The following SSUH2 variants were observed in gnomAD, a reference collection of about 807,000 sequenced individuals.
The protein encoded by SSUH2 is protein SSUH2 homolog.
SSUH2 carries 47 observed loss-of-function variants against 55.3 expected under a neutral mutation model. The ratio of observed to expected loss-of-function variants is 0.85; its 90% CI spans 0.67 to 1.08. SSUH2 has a LOEUF of 1.08. SSUH2 is among the 50% of genes least tolerant of loss of function. The probability of loss-of-function intolerance (pLI) is 0.00; values close to 1 mark genes in which losing one functional copy is unlikely to be tolerated. For synonymous variants in SSUH2, 212 were observed against 191.5 expected, an observed-to-expected ratio of 1.11 and a Z score of -0.89; for missense variants, 535 against 490.7, an observed-to-expected ratio of 1.09 and a Z score of -0.85.
upstream of SSUH2, among the ~76,000 whole-genome samples, chr3:8,648,080 T>C (rs148893679): frequency 7.1e-3 from 1,086 of 152,304 alleles, 9 homozygotes; most frequent in Middle Eastern, 0.014. Flanking sequence ...TGAGATCTTC[T>C]TGATGCCCCC....
chr3:8,629,631 C>CATTG, intron 7 of SSUH2, 33 bp downstream of exon 7: 2 of 642,482 alleles, frequency 3.1e-6, no homozygotes, highest in Non-Finnish European at 4.7e-6. Context: ...ACCACACCCT[C>CATTG]ACTGACTCAC....
intron 3 of SSUH2, among the ~76,000 whole-genome samples, chr3:8,675,539 A>G (rs927796434): frequency 2.0e-5 from 3 of 152,216 alleles, no homozygotes; most frequent in Admixed American, 1.3e-4. Context: ...ATCTGCCGAC[A>G]GCAGGTACCT....
intron 2 of SSUH2, 46 bp downstream of exon 2, chr3:8,635,713 G>T: frequency 6.8e-7 from 1 of 1,475,490 alleles, no homozygotes; most frequent in Non-Finnish European, 9.1e-7. Context: ...CAACCAGCGT[G>T]AGCCCTAGGT....
At chr3:8,642,392 C>A (rs551768134) in intron 1 of SSUH2, among the ~76,000 whole-genome samples, 2 of 152,252 alleles carry the variant, frequency 1.3e-5, no homozygotes, top group Non-Finnish European at 2.9e-5. Flanking sequence ...AGACTTGCAG[C>A]CTGGAATCAA....
rs1455031974 is a variant in SSUH2 at position 8,635,344 on chromosome 3, C to T, written c.165G>A (p.Gly55=). Residue 55 remains glycine (G), a synonymous_variant, in exon 3 of 12, where the codon GGG becomes GGA. Transcript: ENST00000544814. ...GCCAGGACCTTTGCTCCTGGGGCCT[C>T]CCTGGGGCCTCCAAAGGTGGGAAGA... The part of the protein sequence containing the change: ...QIFFPPLEAP[G]RPQEQRSWPS... 1 of 1,535,972 alleles carries T rather than the reference C, an allele frequency of 6.5e-7. No individual in the cohort carries two copies. Among genetic ancestry groups the T allele is most frequent in the Admixed American group, 2.0e-5 (1 of 50,992 alleles).
intron 3 of SSUH2, among the ~76,000 whole-genome samples, chr3:8,675,929 C>A (rs922625534): frequency 2.0e-5 from 3 of 152,128 alleles, no homozygotes; most frequent in Admixed American, 2.0e-4. Flanking sequence ...CTAGCTGAGG[C>A]CAGTGGCCTA....
At chr3:8,670,054 G>A (rs1439916320) in intron 5 of SSUH2, among the ~76,000 whole-genome samples, 3 of 152,102 alleles carry the variant, frequency 2.0e-5, no homozygotes, top group Non-Finnish European at 4.4e-5. Flanking sequence ...TGAGTCCACA[G>A]TGCTTGCACC....
chr3:8,647,920 G>C (rs564034172), upstream of SSUH2, among the ~76,000 whole-genome samples: 109 of 152,330 alleles, frequency 7.2e-4, no homozygotes, highest in African/African-American at 2.4e-3. Context: ...GGAGGAGAAT[G>C]GGCTTGACAC....
At chr3:8,679,548 C>T (rs1430654866) in intron 2 of SSUH2, among the ~76,000 whole-genome samples, 1 of 144,820 alleles carries the variant, frequency 6.9e-6, no homozygotes, top group Non-Finnish European at 1.5e-5. Context: ...CTCAGCGAGG[C>T]AGGAACTGAG....
chr3:8,623,634 G>A lies in SSUH2; in HGVS notation c.896C>T (p.Pro299Leu). 1.3e-6 allele frequency: 2 copies of A among 1,539,796 alleles called. No homozygotes were observed. The highest frequency in any genetic ancestry group is 1.8e-6 in the Non-Finnish European group (2 of 1,137,820). ...NSVVYPIVDFPLRDISLASQR... is the reference protein window; with the variant it reads ...NSVVYPIVDFLLRDISLASQR... Reference sequence around the variant, plus strand: ...GGAGGCAAGAGAGATGTCTCGCAGAGGGAAGTCCACGATGGGGTACACCTG... The same window carrying A: ...GGAGGCAAGAGAGATGTCTCGCAGAAGGAAGTCCACGATGGGGTACACCTG... The change falls in exon 11 of 12, where the codon CCT becomes CTT. Residue 299 changes from proline to leucine, a missense_variant. Coordinates refer to ENST00000544814, the MANE Select transcript of SSUH2 (RefSeq NM_001256748.3).
At chr3:8,678,091 CTTCT>C (rs1270825103) in intron 2 of SSUH2, among the ~76,000 whole-genome samples, 4 of 152,074 alleles carry the variant, frequency 2.6e-5, no homozygotes, top group African/African-American at 9.7e-5. Context: ...GCGTGTCCAC[CTTCT>C]GTCATATTGA....
intron 3 of SSUH2, chr3:8,634,280 G>T: frequency 2.4e-6 from 2 of 836,566 alleles, no homozygotes; most frequent in Non-Finnish European, 3.4e-6. Context: ...CGCCCATGGA[G>T]ACTCACCCTG....
At chr3:8,634,974 A>T (rs1699668398) in intron 3 of SSUH2, among the ~76,000 whole-genome samples, 2 of 152,224 alleles carry the variant, frequency 1.3e-5, no homozygotes, top group Admixed American at 6.5e-5. Context: ...AAGCTGCCAG[A>T]GACAATACAC....
chr3:8,631,160 AC>A (rs1308483290), intron 5 of SSUH2, among the ~76,000 whole-genome samples: 2 of 152,114 alleles, frequency 1.3e-5, no homozygotes, highest in African/African-American at 4.8e-5. Context: ...TAGCTGTTTG[AC>A]TTTAGAGAAG....
chr3:8,661,393 C>T (rs1297284958), intron 6 of SSUH2, among the ~76,000 whole-genome samples: 1 of 152,158 alleles, frequency 6.6e-6, no homozygotes, highest in Non-Finnish European at 1.5e-5. Flanking sequence ...CCCTCTACAC[C>T]CATTAGTCTA....
intron 1 of SSUH2, among the ~76,000 whole-genome samples, chr3:8,681,573 G>A (rs1356025552): frequency 2.7e-5 from 4 of 146,322 alleles, no homozygotes; most frequent in South Asian, 2.2e-4. Flanking sequence ...CACCCCCAAC[G>A]AAGCGGGGAC....
chr3:8,679,518 T>C (rs1192574778), intron 2 of SSUH2, among the ~76,000 whole-genome samples: 2 of 136,082 alleles, frequency 1.5e-5, no homozygotes, highest in African/African-American at 2.8e-5. Flanking sequence ...GGGACCCTCA[T>C]CGCAGGTAGG....
intron 7 of SSUH2, 25 bp downstream of exon 7, chr3:8,629,639 C>CACCAGTGGTTCACAGATGACTA: frequency 6.2e-7 from 1 of 1,613,694 alleles, no homozygotes; most frequent in Non-Finnish European, 8.5e-7. Flanking sequence ...CTCACTGACT[C>CACCAGTGGTTCACAGATGACTA]ACCAGTGGTT....
At chr3:8,676,405 TATC>T (rs1705274951) in intron 3 of SSUH2, among the ~76,000 whole-genome samples, 1 of 151,320 alleles carries the variant, frequency 6.6e-6, no homozygotes, top group South Asian at 2.1e-4. Flanking sequence ...TTGAAAGTAA[TATC>T]ATCTTCTTCC....
Sources: allele counts gnomAD v4.1 joint callset (sites outside exome capture counted in the v4.1 genomes callset), GRCh38; gene constraint gnomAD v4.1.1; transcripts MANE v1.5; gene names NCBI Gene and HGNC (gene_info 2026-07-23, HGNC 2026-07-21).